The following ZFPM2 variants were observed in gnomAD, a reference collection of about 807,000 sequenced individuals.
The protein encoded by ZFPM2 is zinc finger protein ZFPM2.
A neutral mutation model predicts 98.6 loss-of-function variants in ZFPM2; 20 were observed. That is an observed-to-expected ratio of 0.20 (90% confidence interval 0.14 to 0.29). The LOEUF (loss-of-function observed/expected upper bound fraction) is 0.29, where lower values mean the gene tolerates loss of function less well. Ranked by LOEUF, ZFPM2 falls within the 10% of genes least tolerant of loss-of-function variation. The pLI, the probability that ZFPM2 is intolerant of heterozygous loss-of-function variation, is 1.00. For synonymous variants in ZFPM2, 518 were observed against 502.7 expected (o/e 1.03, Z -0.41); for missense variants, 1,310 against 1,388.6 (o/e 0.94, Z 0.90).
At chr8:105,714,815 AT>A (rs1811480042) in intron 5 of ZFPM2, among the ~76,000 whole-genome samples, 1 of 152,076 alleles carries the variant, frequency 6.6e-6, no homozygotes, top group Admixed American at 6.6e-5. Flanking sequence ...TGTATAAAAG[AT>A]TTTAAAAAGT....
At chr8:105,456,005 C>T (rs1477101081) in intron 3 of ZFPM2, among the ~76,000 whole-genome samples, 3 of 151,978 alleles carry the variant, frequency 2.0e-5, no homozygotes, top group Non-Finnish European at 4.4e-5. Flanking sequence ...AAATATAAAC[C>T]AGAGGGCTGC....
chr8:105,403,990 TAA>T (rs1048377055), intron 1 of ZFPM2, among the ~76,000 whole-genome samples: 1 of 127,660 alleles, frequency 7.8e-6, no homozygotes, highest in Non-Finnish European at 1.6e-5. Context: ...TTATTGGTGT[TAA>T]AACAACAACA....
At chr8:105,379,591 G>A (rs112755583) in intron 1 of ZFPM2, among the ~76,000 whole-genome samples, 4,443 of 151,936 alleles carry the variant, frequency 0.029, 142 homozygotes, top group Non-Finnish European at 0.04. Context: ...CCATGTCTAC[G>A]AAAAACACAA....
At chr8:105,788,694 C>A (rs1813495679) in intron 5 of ZFPM2, 24 bp from the exon 6 acceptor site, 2 of 1,610,920 alleles carry the variant, frequency 1.2e-6, no homozygotes, top group African/African-American at 1.3e-5. Context: ...TCAATTTTAT[C>A]TTTTTCTTTT....
chr8:105,720,395 A>C (rs530974843), intron 5 of ZFPM2, among the ~76,000 whole-genome samples: 3 of 151,882 alleles, frequency 2.0e-5, no homozygotes, highest in African/African-American at 7.2e-5. Flanking sequence ...AAGTTTAATC[A>C]TAAGTTTAAA....
chr8:105,555,006 C>A (rs755637954), intron 3 of ZFPM2, among the ~76,000 whole-genome samples: 19 of 151,346 alleles, frequency 1.3e-4, no homozygotes, highest in Non-Finnish European at 2.4e-4. Context: ...CAGTGAATTT[C>A]TTTTATTTAG....
chr8:105,652,765 C>A (rs1015774637), intron 5 of ZFPM2, among the ~76,000 whole-genome samples: 1 of 152,110 alleles, frequency 6.6e-6, no homozygotes, highest in Non-Finnish European at 1.5e-5. Flanking sequence ...ATTTAAGATT[C>A]CATAATTCAT....
chr8:105,459,379 C>G (rs1244741932), intron 3 of ZFPM2, among the ~76,000 whole-genome samples: 1 of 152,116 alleles, frequency 6.6e-6, no homozygotes, highest in Admixed American at 6.5e-5. Context: ...TAGGAAATCT[C>G]TGAACCCTGG....
chr8:105,580,793 T>A (rs1158889514), intron 4 of ZFPM2, among the ~76,000 whole-genome samples: 1 of 141,790 alleles, frequency 7.1e-6, no homozygotes, highest in Non-Finnish European at 1.5e-5. Context: ...CAAGTAATAA[T>A]CATCATTCTC....
rs1195137516 is a variant in ZFPM2, at chr8:105,318,489, TC to T, written c.-450del. Among the ~76,000 whole-genome samples, 1 of 143,930 alleles carries T rather than the reference TC, an allele frequency of 6.9e-6. No homozygotes were observed. The highest frequency in any genetic ancestry group is 1.5e-5 in the Non-Finnish European group (1 of 65,342). 94.4% of individuals were successfully genotyped at this position (143,930 alleles called of 152,430 possible). On this transcript the variant is annotated 5_prime_UTR_variant, in exon 1 of 8. Transcript: ENST00000407775. ...GGCGGCGGCGGCGCCGGAGTATCCG[TC>T]CCGCACGCCGGGGCGAGGGGCGAGC... is the stretch of plus-strand genomic sequence containing the variant.
intron 5 of ZFPM2, chr8:105,685,026 C>T (rs558298494): frequency 3.3e-5 from 5 of 152,008 alleles, no homozygotes; most frequent in Non-Finnish European, 5.9e-5. Flanking sequence ...AAAAGTAATT[C>T]CAGTATTAAA....
At chr8:105,660,650 CT>C (rs1817370884) in intron 5 of ZFPM2, among the ~76,000 whole-genome samples, 1 of 152,232 alleles carries the variant, frequency 6.6e-6, no homozygotes, top group South Asian at 2.1e-4. Flanking sequence ...CAAACATGCT[CT>C]TCTTTAATAA....
At chr8:105,319,168 C>T (rs1342494035) in intron 1 of ZFPM2, among the ~76,000 whole-genome samples, 187 bp downstream of exon 1, 2 of 152,210 alleles carry the variant, frequency 1.3e-5, no homozygotes, top group Middle Eastern at 6.8e-3. Context: ...ACGGCCAGCC[C>T]GAGCCTCGGG....
At chr8:105,461,521 T>C (rs1198629715) in intron 3 of ZFPM2, among the ~76,000 whole-genome samples, 1 of 152,150 alleles carries the variant, frequency 6.6e-6, no homozygotes, top group Non-Finnish European at 1.5e-5. Flanking sequence ...AAAGGTAAAC[T>C]TAATAAATCA....
intron 4 of ZFPM2, among the ~76,000 whole-genome samples, chr8:105,573,006 T>G (rs888325491): frequency 2.0e-5 from 3 of 152,180 alleles, no homozygotes; most frequent in African/African-American, 7.2e-5. Context: ...TTAAAAATAA[T>G]GAGCACAACT....
intron 6 of ZFPM2, 73 bp downstream of exon 6, chr8:105,788,997 C>G: frequency 1.5e-6 from 2 of 1,294,810 alleles, no homozygotes; most frequent in Non-Finnish European, 2.1e-6. Flanking sequence ...TGTCTACTGA[C>G]AAGAAACCAG....
Position 105,600,739 on chromosome 8 carries a change from A to G in ZFPM2, c.421-33507A>G, listed in dbSNP as rs528051299. On this transcript the variant is annotated intron_variant, in intron 4 of 7. Transcript: ENST00000407775. The stretch of plus-strand genomic sequence containing the variant: ...TTATATTATTGTTTACTTATTCTAT[A>G]TCTCTAAAGTGTTTATAGCAATAAT... Among the ~76,000 whole-genome samples, 6 of 152,122 alleles carry G rather than the reference A, an allele frequency of 3.9e-5. No individual in the cohort carries two copies. The East Asian group carries it at 1.2e-3, about 30-fold the overall frequency.
At chr8:105,478,604 G>T (rs1813056523) in intron 3 of ZFPM2, among the ~76,000 whole-genome samples, 1 of 152,200 alleles carries the variant, frequency 6.6e-6, no homozygotes, top group Non-Finnish European at 1.5e-5. Flanking sequence ...TAATGGCACA[G>T]AAATTTATGT....
chr8:105,635,118 T>C (rs1816822946), intron 5 of ZFPM2, among the ~76,000 whole-genome samples: 1 of 152,180 alleles, frequency 6.6e-6, no homozygotes, highest in Admixed American at 6.6e-5. Flanking sequence ...GTATAATCCC[T>C]AATCTCACTT....
Sources: gnomAD v4.1 joint callset for allele counts (sites outside exome capture counted in the v4.1 genomes callset) on GRCh38, gnomAD v4.1.1 for gene constraint, MANE v1.5 for transcripts, NCBI Gene and HGNC (gene_info 2026-07-23, HGNC 2026-07-21) for gene names.